Variants in ALMS1 observed in about 807,000 individuals in gnomAD.
ALMS1 encodes the protein ALMS1 centrosome and basal body associated protein, also known as centrosome-associated protein ALMS1.
Under a neutral mutation model 352.2 loss-of-function variants are expected in ALMS1, and 271 were observed. That is an observed-to-expected ratio of 0.77 (90% CI 0.70 to 0.85). The LOEUF (loss-of-function observed/expected upper bound fraction) is 0.85, where lower values mean the gene tolerates loss of function less well. Among genes scored for constraint, ALMS1 ranks in the 40% least tolerant of loss-of-function variants. ALMS1 has a pLI of 0.00. For synonymous variants in ALMS1, 1,865 were observed against 1,761.2 expected, an observed-to-expected ratio of 1.06 and a Z score of -1.48; for missense variants, 5,445 against 4,870.7, an observed-to-expected ratio of 1.12 and a Z score of -3.51.
At chr2:73,417,081 A>G (rs1671194490) in intron 2 of ALMS1, among the ~76,000 whole-genome samples, 1 of 152,192 alleles carries the variant, frequency 6.6e-6, no homozygotes, top group Non-Finnish European at 1.5e-5. Flanking sequence ...TAACAGAGCA[A>G]AAGCCTGTCT....
Position 73,424,857 on chromosome 2 carries a change from TGGACACA to T in ALMS1, c.1196_1202del (p.Thr399LysfsTer11), listed in dbSNP as rs761292021. ...TGCTGCTCGTTCATATGGGCAGTAT[TGGACACA>T]GGAAGATTCATCTAAGCAGGCAGAA... On this transcript the variant is annotated frameshift_variant, in exon 5 of 23. Transcript: ENST00000613296. LOFTEE classifies it high-confidence loss of function. 29 of 1,606,448 alleles carry T rather than the reference TGGACACA, an allele frequency of 1.8e-5. No homozygotes were observed. Among genetic ancestry groups the T allele is most frequent in the Non-Finnish European group, 2.4e-5 (28 of 1,175,750 alleles).
intron 13 of ALMS1, among the ~76,000 whole-genome samples, chr2:73,556,485 T>A (rs759765812): frequency 7.9e-5 from 12 of 152,150 alleles, no homozygotes; most frequent in Non-Finnish European, 1.8e-4. Flanking sequence ...GAATGCTGTA[T>A]TTAAAATCTA....
At chr2:73,577,601 T>G (rs1234664765) in intron 16 of ALMS1, among the ~76,000 whole-genome samples, 2 of 152,106 alleles carry the variant, frequency 1.3e-5, no homozygotes, top group Non-Finnish European at 2.9e-5. Flanking sequence ...CCTTCATTGC[T>G]TGCCATAAGT....
intron 16 of ALMS1, among the ~76,000 whole-genome samples, chr2:73,588,760 T>C (rs1675360989): frequency 6.6e-6 from 1 of 152,168 alleles, no homozygotes; most frequent in Non-Finnish European, 1.5e-5. Context: ...ACAAGCAAAC[T>C]ACCAAACAGA....
rs749979595 is a variant in ALMS1, at chr2:73,452,730, G to A, written c.6203G>A (p.Ser2068Asn). Residue 2068 changes from serine (S) to asparagine (N), a missense_variant, in exon 8 of 23, where the codon AGT (serine) becomes AAT (asparagine). Physicochemically the swap from Ser to Asn is conservative, Grantham distance 46 (BLOSUM62 1). Coordinates refer to ENST00000613296, the MANE Select transcript of ALMS1 (RefSeq NM_001378454.1). ...CAGCAGTTGCCAGATAGAGATCAAA[G>A]TAAAGGTATTCTAAAGATTTCAGCT... ...FQQQLPDRDQSKGILKISAVP... is the reference protein window; with the variant it reads ...FQQQLPDRDQNKGILKISAVP... 1.2e-6 allele frequency: 2 copies of A among 1,613,560 alleles called. No individual in the cohort carries two copies. The highest frequency in any genetic ancestry group is 1.7e-6 in the Non-Finnish European group (2 of 1,179,972).
At chr2:73,601,573 GT>G in intron 19 of ALMS1, 137 bp downstream of exon 19, 4 of 1,366,300 alleles carry the variant, frequency 2.9e-6, no homozygotes, top group Non-Finnish European at 4.1e-6. Context: ...CAGTTCACCT[GT>G]TTTCACGCAC....
At chr2:73,514,257 TATTATTTTAGATTAATTA>T (rs1673510725) in intron 10 of ALMS1, among the ~76,000 whole-genome samples, 1 of 152,152 alleles carries the variant, frequency 6.6e-6, no homozygotes, top group African/African-American at 2.4e-5. Flanking sequence ...TGCTATCCTC[TATTATTTTAGATTAATTA>T]ATTATTTTTA....
intron 11 of ALMS1, among the ~76,000 whole-genome samples, chr2:73,521,935 G>A (rs965415851): frequency 6.6e-6 from 1 of 151,650 alleles, no homozygotes; most frequent in Non-Finnish European, 1.5e-5. Flanking sequence ...TTTTTTGTTT[G>A]TTTGTTTTTT....
intron 1 of ALMS1, among the ~76,000 whole-genome samples, chr2:73,405,150 G>C (rs565405923): frequency 6.4e-4 from 98 of 152,108 alleles, no homozygotes; most frequent in African/African-American, 2.2e-3. Flanking sequence ...CTGAGCTCAA[G>C]CATTTCTCCT....
intron 16 of ALMS1, among the ~76,000 whole-genome samples, chr2:73,586,158 A>C (rs1238164044): frequency 6.6e-6 from 1 of 152,180 alleles, no homozygotes; most frequent in Non-Finnish European, 1.5e-5. Flanking sequence ...AGTTCCTTGT[A>C]GATTCTGCAT....
At chr2:73,395,076 A>T (rs1161843938) in intron 1 of ALMS1, among the ~76,000 whole-genome samples, 14,782 of 108,134 alleles carry the variant, frequency 0.14, 1,682 homozygotes, top group African/African-American at 0.31. Flanking sequence ...ATATATATAT[A>T]TATTTTTTTT....
rs750035194 is a variant in ALMS1, at chr2:73,451,806, C to T, written c.5279C>T (p.Ser1760Leu). ...TCTACTGTAACTTCCTCTTTCTATTCACATACAGAGAAGCCTAATATTTCT... is the reference window on the plus strand; with the variant it reads ...TCTACTGTAACTTCCTCTTTCTATTTACATACAGAGAAGCCTAATATTTCT... ...GLSTVTSSFY[S>L]HTEKPNISYQ... The change falls in exon 8 of 23, where the codon TCA becomes TTA. Residue 1760 changes from serine to leucine, a missense_variant. Physicochemically the swap from Ser to Leu is moderately radical, Grantham distance 145 (BLOSUM62 -2). Transcript: ENST00000613296. The T allele has an allele frequency of 3.1e-6, 5 of 1,614,102 alleles. No individual in the cohort carries two copies. The highest frequency in any genetic ancestry group is 4.2e-6 in the Non-Finnish European group (5 of 1,179,988).
chr2:73,453,618 A>C lies in ALMS1; in HGVS notation c.7091A>C (p.Gln2364Pro), dbSNP rs370992564. 9 of 1,613,976 alleles carry C rather than the reference A, an allele frequency of 5.6e-6. No individual in the cohort carries two copies. The highest frequency in any genetic ancestry group is 7.6e-6 in the Non-Finnish European group (9 of 1,180,020). Residue 2364 changes from glutamine (Q) to proline (P), a missense_variant, in exon 8 of 23, where the codon CAG becomes CCG. Coordinates refer to ENST00000613296, the MANE Select transcript of ALMS1 (RefSeq NM_001378454.1). Reference sequence around the variant, plus strand: ...TCAACTACAGTTAGAAGTCCTCTACAGGAAGCAGAGAGCAAAGTCAGTATG... The same window carrying C: ...TCAACTACAGTTAGAAGTCCTCTACCGGAAGCAGAGAGCAAAGTCAGTATG... ...ISSTTVRSPL[Q>P]EAESKVSMAL...
At chr2:73,565,964 G>T (rs952047212) in intron 15 of ALMS1, among the ~76,000 whole-genome samples, 1 of 152,088 alleles carries the variant, frequency 6.6e-6, no homozygotes, top group Admixed American at 6.6e-5. Context: ...AACAGAAAAA[G>T]AACAGTATGT....
rs746546834 is a variant in ALMS1 at position 73,454,068 on chromosome 2, G to T, written c.7540+1G>T. 6.2e-7 allele frequency: 1 copy of T among 1,606,774 alleles called. No individual in the cohort carries two copies. Among genetic ancestry groups the T allele is most frequent in the Non-Finnish European group, 8.5e-7 (1 of 1,176,332 alleles). On this transcript the variant is annotated splice_donor_variant, in intron 8 of 22. Transcript: ENST00000613296. LOFTEE classifies it high-confidence loss of function. ...GAGGAAAGCCGGGTACGAGCACATG[G>T]TAAGAAGAAAGTTTCAGGCTTATAA...
rs991750512 is a variant in ALMS1 at position 73,389,691 on chromosome 2, CT to C, written c.324+3507del. ...ATTTTCCTGTTTAATAATGAACTAT[CT>C]TTTTTTTCCCCCGCCGAGATGAAGT... On this transcript the variant is annotated intron_variant, in intron 1 of 22. Transcript: ENST00000613296. Among the ~76,000 whole-genome samples the C allele has an allele frequency of 2.0e-3, 311 of 151,982 alleles. 1 individual carries two copies. The highest frequency in any genetic ancestry group is 1.7e-3 in the Non-Finnish European group (117 of 67,948).
chr2:73,405,568 CTCTTT>C (rs982413459), intron 1 of ALMS1, among the ~76,000 whole-genome samples: 1 of 150,406 alleles, frequency 6.6e-6, no homozygotes, highest in African/African-American at 2.4e-5. Context: ...TTTTTCTATT[CTCTTT>C]TCTTTATCTT....
At chr2:73,602,825 A>C (rs1430006177) in intron 20 of ALMS1, among the ~76,000 whole-genome samples, 1 of 152,200 alleles carries the variant, frequency 6.6e-6, no homozygotes, top group East Asian at 1.9e-4. Context: ...AATCAAAGGG[A>C]GATTAAGTAC....
At position 73,532,398 on chromosome 2, in the gene ALMS1, A is replaced by G. The variant is rs964695657; in HGVS notation, c.9782-2426A>G. Among the ~76,000 whole-genome samples, 5 of 152,090 alleles carry G rather than the reference A, an allele frequency of 3.3e-5. No homozygotes were observed. In the East Asian group the frequency reaches 7.7e-4, roughly 23 times the overall value. On this transcript the variant is annotated intron_variant, in intron 11 of 22. Coordinates refer to ENST00000613296, the MANE Select transcript of ALMS1 (RefSeq NM_001378454.1). ...TGGGAGCCATGACCTGAAGTCAGAA[A>G]CCTTAGTGCTTTATTCTGCTGTGGC...
Sources: gnomAD v4.1 joint callset for allele counts (sites outside exome capture counted in the v4.1 genomes callset) on GRCh38, gnomAD v4.1.1 for gene constraint, MANE v1.5 for transcripts, NCBI Gene and HGNC (gene_info 2026-07-23, HGNC 2026-07-21) for gene names.